The following CSMD1 variants were observed in gnomAD, a reference collection of about 807,000 sequenced individuals.
CSMD1 encodes CUB and sushi domain-containing protein 1.
A neutral mutation model predicts 417.5 loss-of-function variants in CSMD1; 213 were observed. The observed-to-expected ratio is 0.51, with a 90% CI of 0.46 to 0.57. The LOEUF is 0.57. Ranked by LOEUF, CSMD1 falls within the 20% of genes least tolerant of loss-of-function variation. The probability of loss-of-function intolerance (pLI) is 0.00; values close to 1 mark genes in which losing one functional copy is unlikely to be tolerated. For missense variants in CSMD1, 6,923 were observed against 4,529.7 expected (o/e 1.53, Z -15.17); for synonymous variants, 2,862 against 1,736.8 (o/e 1.65, Z -16.11).
intron 5 of CSMD1, among the ~76,000 whole-genome samples, chr8:3,788,465 T>C (rs1024966036): frequency 1.3e-5 from 2 of 152,244 alleles, no homozygotes; most frequent in African/African-American, 2.4e-5. Context: ...GAAATCAAAA[T>C]AGAACTGGGG....
At chr8:4,747,338 T>G (rs1011772797) in intron 1 of CSMD1, among the ~76,000 whole-genome samples, 1 of 152,222 alleles carries the variant, frequency 6.6e-6, no homozygotes, top group Non-Finnish European at 1.5e-5. Context: ...ATGAAGAATT[T>G]GCTATATGAT....
At chr8:3,852,565 G>A (rs1279265236) in intron 5 of CSMD1, among the ~76,000 whole-genome samples, 1 of 152,108 alleles carries the variant, frequency 6.6e-6, no homozygotes, top group East Asian at 1.9e-4. Flanking sequence ...GTGGGAGGAG[G>A]GATGGAGTAG....
At chr8:3,442,396 G>T (rs6558774) in intron 12 of CSMD1, among the ~76,000 whole-genome samples, 60,340 of 151,850 alleles carry the variant, frequency 0.4, 12,887 homozygotes, top group Middle Eastern at 0.51. Context: ...TTCCCATCCT[G>T]CAAGCTCTAT....
intron 26 of CSMD1, among the ~76,000 whole-genome samples, chr8:3,255,306 C>T (rs1800569933): frequency 6.6e-6 from 1 of 152,104 alleles, no homozygotes; most frequent in Non-Finnish European, 1.5e-5. Context: ...AGTTAGGCTT[C>T]TCGGGGGACA....
chr8:4,172,726 C>A (rs545564353), intron 3 of CSMD1, among the ~76,000 whole-genome samples: 1 of 152,128 alleles, frequency 6.6e-6, no homozygotes, highest in Non-Finnish European at 1.5e-5. Flanking sequence ...TATCACTTGA[C>A]ATTAGGTTGT....
intron 2 of CSMD1, among the ~76,000 whole-genome samples, chr8:4,526,252 A>G (rs1051373369): frequency 6.6e-6 from 1 of 152,234 alleles, no homozygotes; most frequent in Non-Finnish European, 1.5e-5. Context: ...AGAGATTCCC[A>G]TTATAAAGCA....
chr8:4,873,367 A>C (rs1037175919), intron 1 of CSMD1, among the ~76,000 whole-genome samples: 2 of 152,172 alleles, frequency 1.3e-5, no homozygotes, highest in African/African-American at 2.4e-5. Context: ...CATGACACGC[A>C]GATCAGCGAT....
At chr8:3,945,141 T>A (rs2129807299) in intron 5 of CSMD1, among the ~76,000 whole-genome samples, 1 of 144,348 alleles carries the variant, frequency 6.9e-6, no homozygotes, top group East Asian at 2.1e-4. Context: ...ATACACAATT[T>A]GAACAATGAT....
intron 2 of CSMD1, among the ~76,000 whole-genome samples, chr8:4,479,056 T>G (rs1164960738): frequency 6.6e-6 from 1 of 152,168 alleles, no homozygotes; most frequent in Non-Finnish European, 1.5e-5. Flanking sequence ...AGGGGCTCAA[T>G]GCTATTCAAA....
intron 3 of CSMD1, among the ~76,000 whole-genome samples, chr8:4,333,765 G>C (rs911575299): frequency 6.6e-6 from 1 of 152,116 alleles, no homozygotes; most frequent in African/African-American, 2.4e-5. Context: ...GCCACGGGTA[G>C]GTAGCCTTGA....
intron 3 of CSMD1, among the ~76,000 whole-genome samples, chr8:4,325,030 T>C (rs2128886747): frequency 6.6e-6 from 1 of 152,276 alleles, no homozygotes; most frequent in Admixed American, 6.5e-5. Flanking sequence ...AGTGCTGCAC[T>C]GTGGCTCCTT....
chr8:3,042,699 C>T (rs1382604678), intron 50 of CSMD1, among the ~76,000 whole-genome samples: 1 of 152,112 alleles, frequency 6.6e-6, no homozygotes, highest in Admixed American at 6.5e-5. Flanking sequence ...AGCAGTACTT[C>T]ATAGGTTTGT....
intron 1 of CSMD1, among the ~76,000 whole-genome samples, chr8:4,962,161 A>C (rs1249705687): frequency 6.6e-6 from 1 of 151,172 alleles, no homozygotes; most frequent in South Asian, 2.1e-4. Context: ...GTGAAACACA[A>C]AACAATAATA....
At chr8:4,096,355 T>C (rs1460540144) in intron 3 of CSMD1, among the ~76,000 whole-genome samples, 2 of 152,244 alleles carry the variant, frequency 1.3e-5, no homozygotes, top group East Asian at 1.9e-4. Context: ...TGGATTTCCA[T>C]ATGGGGCTCC....
At chr8:3,332,927 C>G (rs1212342297) in intron 23 of CSMD1, among the ~76,000 whole-genome samples, 1 of 152,172 alleles carries the variant, frequency 6.6e-6, no homozygotes, top group African/African-American at 2.4e-5. Context: ...AGTGTCTGTT[C>G]TGTCGATGCT....
At chr8:3,697,533 C>T (rs944828096) in intron 7 of CSMD1, among the ~76,000 whole-genome samples, 2 of 152,038 alleles carry the variant, frequency 1.3e-5, no homozygotes, top group East Asian at 3.9e-4. Flanking sequence ...TTTAAAGTTT[C>T]TGACTTTAGT....
chr8:3,943,601 G>A (rs905343720), intron 5 of CSMD1, among the ~76,000 whole-genome samples: 3 of 152,010 alleles, frequency 2.0e-5, no homozygotes, highest in Non-Finnish European at 4.4e-5. Flanking sequence ...ATTTGAAATA[G>A]CTGGTAAACC....
chr8:3,572,396 C>T (rs1332508776), intron 10 of CSMD1, among the ~76,000 whole-genome samples: 1 of 152,130 alleles, frequency 6.6e-6, no homozygotes, highest in East Asian at 1.9e-4. Context: ...CTTGGAGCAA[C>T]CTCATCACAG....
intron 18 of CSMD1, 57 bp downstream of exon 18, chr8:3,387,437 C>T (rs748380040): frequency 9.9e-6 from 14 of 1,415,610 alleles, no homozygotes; most frequent in African/African-American, 1.4e-5. Flanking sequence ...GCTAGTTAGA[C>T]GTGTGCGCTG....
Sources: allele counts gnomAD v4.1 joint callset (sites outside exome capture counted in the v4.1 genomes callset), GRCh38; gene constraint gnomAD v4.1.1; transcripts MANE v1.5; gene names NCBI Gene and HGNC (gene_info 2026-07-23, HGNC 2026-07-21).